GALNT16: variants seen among roughly 807,000 people sequenced by gnomAD.
GALNT16 encodes the protein UDP-GalNAc:polypeptide N-acetylgalactosaminyltransferase-like protein 1.
GALNT16 carries 40 observed loss-of-function variants against 76.1 expected under a neutral mutation model. The ratio of observed to expected loss-of-function variants is 0.53; its 90% CI spans 0.41 to 0.68. The LOEUF is 0.68. Among genes scored for constraint, GALNT16 ranks in the 30% least tolerant of loss-of-function variants. The pLI is 0.00. For synonymous variants in GALNT16, 276 were observed against 285.2 expected (o/e 0.97, Z 0.32); for missense variants, 621 against 731.9 (o/e 0.85, Z 1.75).
At chr14:69,269,307 T>C (rs1317688956) in intron 1 of GALNT16, among the ~76,000 whole-genome samples, 1 of 149,820 alleles carries the variant, frequency 6.7e-6, no homozygotes, top group Admixed American at 6.6e-5. Context: ...GTCTGTGGTA[T>C]GTGTATGTGT....
At chr14:69,377,829 A>C in the GALNT16 span, among the ~76,000 whole-genome samples, 1 of 149,754 alleles carries the variant, frequency 6.7e-6, no homozygotes, top group African/African-American at 2.4e-5. Flanking sequence ...AAAAAAAAAA[A>C]AAAAAAGAAC....
In GALNT16 at chr14:69,338,552, A is replaced by G. The variant is rs546569575; in HGVS notation, c.968-99A>G. On this transcript the variant is annotated intron_variant, in intron 9 of 14. Coordinates refer to ENST00000448469, the MANE Select transcript of GALNT16 (RefSeq NM_001168368.2). ...CCCAGGAGCCCCGACCCCAACATGTACCTCCAGTGAGACACCAAAGGGAAG... is the reference window on the plus strand; with the variant it reads ...CCCAGGAGCCCCGACCCCAACATGTGCCTCCAGTGAGACACCAAAGGGAAG... 1.6e-5 allele frequency: 24 copies of G among 1,523,988 alleles called. No individual in the cohort carries two copies. The African/African-American group carries it at 2.8e-4, about 18-fold the overall frequency. The allele number at this position is 1,523,988 out of a possible 1,614,324, so 94.4% of individuals were successfully genotyped here. A position where few individuals can be genotyped will look rare whatever the true frequency, so the allele number is the denominator to read the frequency against.
At chr14:69,336,791 G>C (rs919905349) in intron 9 of GALNT16, among the ~76,000 whole-genome samples, 11 of 151,740 alleles carry the variant, frequency 7.2e-5, no homozygotes, top group Admixed American at 2.0e-4. Context: ...GCAGTGGCAC[G>C]ATCTTGGCTC....
intron 1 of GALNT16, among the ~76,000 whole-genome samples, chr14:69,295,535 CAT>C (rs1473733992): frequency 6.6e-6 from 1 of 151,808 alleles, no homozygotes; most frequent in African/African-American, 2.4e-5. Flanking sequence ...GCCTGGCCAA[CAT>C]AGCGAAACTC....
the GALNT16 span, among the ~76,000 whole-genome samples, chr14:69,382,228 TA>T: frequency 3.3e-4 from 51 of 152,368 alleles, no homozygotes; most frequent in Middle Eastern, 6.8e-3. Flanking sequence ...TCTGGTTTAT[TA>T]AAAATGTACA....
In GALNT16 at chr14:69,353,823, C is replaced by G. The variant is rs1469753876; in HGVS notation, c.*1655C>G. Reference sequence around the variant, plus strand: ...CCACTGTCTGCCCAAGCTGCCACCCCCTAATCTTCCTCCCTGGCGTGCTCA... The same window carrying G: ...CCACTGTCTGCCCAAGCTGCCACCCGCTAATCTTCCTCCCTGGCGTGCTCA... On this transcript the variant is annotated 3_prime_UTR_variant, in exon 15 of 15. Coordinates refer to ENST00000448469, the MANE Select transcript of GALNT16 (RefSeq NM_001168368.2). 4 of 152,468 alleles carry G rather than the reference C, an allele frequency of 2.6e-5. No individual in the cohort carries two copies. The highest frequency in any genetic ancestry group is 1.3e-4 in the Admixed American group (2 of 15,286). The allele number at this position is 152,468 out of a possible 1,614,324, so 9.4% of individuals were successfully genotyped here. A position where few individuals can be genotyped will look rare whatever the true frequency, so the allele number is the denominator to read the frequency against.
chr14:69,345,884 TTTTATTTTA>T (rs2045556639), intron 12 of GALNT16, among the ~76,000 whole-genome samples: 1 of 136,464 alleles, frequency 7.3e-6, no homozygotes, highest in African/African-American at 3.8e-5. Context: ...TTTTTTAAAA[TTTTATTTTA>T]TTTATTTACT....
downstream of GALNT16, among the ~76,000 whole-genome samples, chr14:69,360,286 G>A (rs538347346): frequency 1.1e-4 from 17 of 151,904 alleles, no homozygotes; most frequent in African/African-American, 4.1e-4. Context: ...CCAGGAGGTT[G>A]AGGCTGCAGT....
chr14:69,324,755 T>C lies in GALNT16; in HGVS notation c.399T>C (p.Asn133=), dbSNP rs376357502. ...CCAGCGTCATCATCACCTTCCACAA[T>C]GAGGCCCGTTCCACCCTGCTGCGCA... The part of the protein sequence containing the change: ...PATSVIITFH[N]EARSTLLRTV... The change falls in exon 3 of 15, where the codon AAT becomes AAC. Residue 133 remains asparagine, a synonymous_variant. Transcript: ENST00000448469. 9.9e-6 allele frequency: 16 copies of C among 1,612,814 alleles called. No individual in the cohort carries two copies. Among genetic ancestry groups the C allele is most frequent in the Non-Finnish European group, 1.4e-5 (16 of 1,179,252 alleles).
intron 11 of GALNT16, among the ~76,000 whole-genome samples, chr14:69,339,973 C>A (rs1347459470): frequency 2.0e-5 from 3 of 152,168 alleles, no homozygotes; most frequent in Non-Finnish European, 4.4e-5. Context: ...GATCTGTTAG[C>A]CTATTTTCCT....
intron 1 of GALNT16, among the ~76,000 whole-genome samples, chr14:69,266,317 C>A (rs1043215744): frequency 1.3e-5 from 2 of 152,100 alleles, no homozygotes; most frequent in African/African-American, 4.8e-5. Flanking sequence ...GGGTTTTTAC[C>A]CCCAAATTTT....
At chr14:69,291,299 A>C (rs2044684598) in intron 1 of GALNT16, among the ~76,000 whole-genome samples, 1 of 152,162 alleles carries the variant, frequency 6.6e-6, no homozygotes, top group Non-Finnish European at 1.5e-5. Context: ...GTCTCAAAAA[A>C]TAAAGTAAAA....
chr14:69,350,728 T>G (rs1469164477), intron 14 of GALNT16: 1 of 152,304 alleles, frequency 6.6e-6, no homozygotes, highest in African/African-American at 2.4e-5. Context: ...CCAACTGCCC[T>G]CAGAGCCCTC....
intron 10 of GALNT16, 76 bp downstream of exon 10, chr14:69,338,853 C>G (rs1434157569): frequency 8.1e-7 from 1 of 1,238,376 alleles, no homozygotes; most frequent in Non-Finnish European, 1.1e-6. Context: ...CCAGTTATCA[C>G]TATGTGACTG....
At chr14:69,318,845 C>T (rs553211869) in intron 1 of GALNT16, among the ~76,000 whole-genome samples, 3 of 152,244 alleles carry the variant, frequency 2.0e-5, no homozygotes, top group Admixed American at 6.5e-5. Context: ...GGGCATCCAT[C>T]GCTCTCCCAG....
At chr14:69,268,463 T>C (rs1310014697) in intron 1 of GALNT16, among the ~76,000 whole-genome samples, 1 of 152,080 alleles carries the variant, frequency 6.6e-6, no homozygotes, top group African/African-American at 2.4e-5. Context: ...AAGTGACAGC[T>C]GATAGCAAAG....
intron 1 of GALNT16, among the ~76,000 whole-genome samples, chr14:69,296,792 CAGACAGAT>C (rs141939069): frequency 0.028 from 3,699 of 131,820 alleles, 152 homozygotes; most frequent in African/African-American, 0.096. Context: ...TAGAGATAGA[CAGACAGAT>C]AGAGCTAGAT....
At chr14:69,342,613 C>T (rs897595938) in intron 12 of GALNT16, among the ~76,000 whole-genome samples, 1 of 151,982 alleles carries the variant, frequency 6.6e-6, no homozygotes, top group African/African-American at 2.4e-5. Context: ...ATATTATGCA[C>T]CCATTAATAT....
At chr14:69,380,317 A>C in the GALNT16 span, 566 of 415,622 alleles carry the variant, frequency 1.4e-3, 4 homozygotes, top group African/African-American at 0.011. Context: ...ATCATCATAA[A>C]AATGTTTAAG....
Sources: gnomAD v4.1 joint callset for allele counts (sites outside exome capture counted in the v4.1 genomes callset) on GRCh38, gnomAD v4.1.1 for gene constraint, MANE v1.5 for transcripts, NCBI Gene and HGNC (gene_info 2026-07-23, HGNC 2026-07-21) for gene names.